Variants in HSD17B3 observed in about 807,000 individuals in gnomAD.
HSD17B3 encodes 17-beta-hydroxysteroid dehydrogenase type 3.
HSD17B3 carries 29 observed loss-of-function variants against 41.1 expected under a neutral mutation model. That is an observed-to-expected ratio of 0.71 (90% CI 0.53 to 0.96). The LOEUF (loss-of-function observed/expected upper bound fraction) is 0.96, where lower values mean the gene tolerates loss of function less well. HSD17B3 is among the 40% of genes least tolerant of loss of function. HSD17B3 has a pLI of 0.00. For synonymous variants in HSD17B3, 126 were observed against 145.6 expected (o/e 0.87, Z 0.97); for missense variants, 323 against 374.6 (o/e 0.86, Z 1.14).
intron 1 of HSD17B3, among the ~76,000 whole-genome samples, chr9:96,300,240 A>ACG (rs1219461991): frequency 4.0e-5 from 6 of 151,304 alleles, no homozygotes; most frequent in African/African-American, 1.5e-4. Context: ...ACACACACAC[A>ACG]CACACACACA....
intron 2 of HSD17B3, among the ~76,000 whole-genome samples, chr9:96,297,341 C>CTT (rs71368242): frequency 8.8e-4 from 65 of 73,490 alleles, no homozygotes; most frequent in Non-Finnish European, 1.0e-3. Context: ...TTATTGATTT[C>CTT]TTTTTTTTTT....
intron 7 of HSD17B3, 107 bp from the exon 8 acceptor site, chr9:96,245,533 T>C (rs1836627794): frequency 1.2e-6 from 1 of 817,134 alleles, no homozygotes; most frequent in African/African-American, 1.7e-5. Flanking sequence ...CGACCCTTTC[T>C]AGGCTTCCGC....
In HSD17B3 at chr9:96,282,305, G is replaced by A. The variant is rs115866170; in HGVS notation, c.201+16111C>T. The stretch of plus-strand genomic sequence containing the variant: ...ATTAATTGGTTTAAAAATAATAAGC[G>A]CTTAAATCAAATATTTTATGAGAAA... On this transcript the variant is annotated intron_variant, in intron 2 of 10. Coordinates refer to ENST00000375263, the MANE Select transcript of HSD17B3 (RefSeq NM_000197.2). 3.7e-3 allele frequency among the ~76,000 whole-genome samples: 570 copies of A among 152,180 alleles called. 9 individuals carry two copies. Among genetic ancestry groups the A allele is most frequent in the African/African-American group, 0.013 (533 of 41,520 alleles).
In HSD17B3 at chr9:96,244,387, A is replaced by T. The variant is rs372027264; in HGVS notation, c.614T>A (p.Val205Glu). 279 of 1,614,050 alleles carry T rather than the reference A, an allele frequency of 1.7e-4. No individual in the cohort carries two copies. The highest frequency in any genetic ancestry group is 2.3e-4 in the Non-Finnish European group (274 of 1,180,040). ...YSMYSASKAF[V>E]CAFSKALQEE... is the part of the protein sequence containing the mutation. Reference sequence around the variant, plus strand: ...TTGCAGGGCCTTGGAAAATGCGCACACAAACGCCTGGAGCAAGAAGGAGAG... The same window carrying T: ...TTGCAGGGCCTTGGAAAATGCGCACTCAAACGCCTGGAGCAAGAAGGAGAG... Residue 205 changes from valine to glutamate, a missense_variant, in exon 9 of 11, where the codon GTG becomes GAG. By Grantham distance (121) the Val-to-Glu change is moderately radical (BLOSUM62 -2). Coordinates refer to ENST00000375263, the MANE Select transcript of HSD17B3 (RefSeq NM_000197.2).
In HSD17B3 at chr9:96,283,177, G is replaced by GTAC. The variant is rs527260146; in HGVS notation, c.201+15236_201+15238dup. Among the ~76,000 whole-genome samples, 385 of 151,692 alleles carry GTAC rather than the reference G, an allele frequency of 2.5e-3. 9 individuals are homozygous for GTAC. Among genetic ancestry groups the GTAC allele is most frequent in the Admixed American group, 0.023 (344 of 15,186 alleles). On this transcript the variant is annotated intron_variant, in intron 2 of 10. Coordinates refer to ENST00000375263, the MANE Select transcript of HSD17B3 (RefSeq NM_000197.2). ...TCCACCACCATACCCAGCTAACTTT[G>GTAC]TACTTTTAGTAGAGATGGGGTTTCT... is the stretch of plus-strand genomic sequence containing the variant.
intron 2 of HSD17B3, among the ~76,000 whole-genome samples, chr9:96,285,416 G>T (rs868586268): frequency 6.6e-6 from 1 of 152,100 alleles, no homozygotes; most frequent in African/African-American, 2.4e-5. Flanking sequence ...CTGTTCAGAA[G>T]AAATAAGAGG....
intron 2 of HSD17B3, 70 bp from the exon 3 acceptor site, chr9:96,255,013 C>T: frequency 2.2e-6 from 3 of 1,341,300 alleles, no homozygotes; most frequent in Non-Finnish European, 2.1e-6. Context: ...GTTAAGGTGA[C>T]TTGGTCCTGA....
intron 5 of HSD17B3, chr9:96,250,347 G>A (rs955422132): frequency 1.9e-6 from 2 of 1,077,090 alleles, no homozygotes; most frequent in Non-Finnish European, 2.3e-6. Context: ...AACAGAGTGT[G>A]GGAGACAGAG....
intron 7 of HSD17B3, among the ~76,000 whole-genome samples, chr9:96,245,659 A>G (rs1450051346): frequency 6.6e-6 from 1 of 152,178 alleles, no homozygotes; most frequent in Non-Finnish European, 1.5e-5. Flanking sequence ...CCTGGCAGTC[A>G]TGTGACATCA....
At chr9:96,294,481 G>A (rs1827273638) in intron 2 of HSD17B3, among the ~76,000 whole-genome samples, 2 of 152,190 alleles carry the variant, frequency 1.3e-5, no homozygotes, top group African/African-American at 4.8e-5. Context: ...AATGGCTAAG[G>A]ACAGCTTCCA....
intron 1 of HSD17B3, among the ~76,000 whole-genome samples, chr9:96,301,138 T>C (rs1411000111): frequency 6.6e-6 from 1 of 152,226 alleles, no homozygotes; most frequent in Non-Finnish European, 1.5e-5. Context: ...TCTGCCCTAG[T>C]GTTCCCCTAA....
intron 2 of HSD17B3, among the ~76,000 whole-genome samples, chr9:96,269,152 T>C (rs1225965765): frequency 1.3e-5 from 2 of 152,166 alleles, no homozygotes; most frequent in Non-Finnish European, 2.9e-5. Flanking sequence ...TAAACCTGTA[T>C]GACATGGGAC....
At chr9:96,260,967 G>T (rs994805046) in intron 2 of HSD17B3, among the ~76,000 whole-genome samples, 3 of 152,066 alleles carry the variant, frequency 2.0e-5, no homozygotes, top group Admixed American at 2.0e-4. Flanking sequence ...CTTGTTTCAG[G>T]TTTTATGTTC....
intron 2 of HSD17B3, among the ~76,000 whole-genome samples, chr9:96,285,098 C>G (rs1587777197): frequency 6.6e-6 from 1 of 152,120 alleles, no homozygotes; most frequent in African/African-American, 2.4e-5. Context: ...CTCAGCCTCC[C>G]TAAGTGTTGG....
chr9:96,296,734 G>A (rs1194043575), intron 2 of HSD17B3, among the ~76,000 whole-genome samples: 1 of 152,106 alleles, frequency 6.6e-6, no homozygotes, highest in Admixed American at 6.5e-5. Flanking sequence ...GGAATATTAT[G>A]TTGCCATTTA....
chr9:96,261,198 C>T (rs941435446), intron 2 of HSD17B3, among the ~76,000 whole-genome samples: 5 of 152,232 alleles, frequency 3.3e-5, no homozygotes, highest in Non-Finnish European at 5.9e-5. Flanking sequence ...GCTGCTTTGA[C>T]GATGGAGCCT....
intron 2 of HSD17B3, among the ~76,000 whole-genome samples, chr9:96,294,469 T>C (rs536556979): frequency 6.6e-6 from 1 of 152,234 alleles, no homozygotes; most frequent in African/African-American, 2.4e-5. Flanking sequence ...AATAAAGAAA[T>C]GAATGGCTAA....
chr9:96,283,910 C>CCTGCTGAACCAGTAAAAGT (rs2130780897), intron 2 of HSD17B3, among the ~76,000 whole-genome samples: 1 of 152,074 alleles, frequency 6.6e-6, no homozygotes, highest in South Asian at 2.1e-4. Flanking sequence ...CAGCAGTTAA[C>CCTGCTGAACCAGTAAAAGT]CTGAATTGAC....
rs927273751 is a variant in HSD17B3 at position 96,281,799 on chromosome 9, C to T, written c.201+16617G>A. Among the ~76,000 whole-genome samples the T allele has an allele frequency of 3.3e-5, 5 of 152,196 alleles. 1 individual carries two copies. Among genetic ancestry groups the T allele is most frequent in the South Asian group, 4.1e-4 (2 of 4,828 alleles). On this transcript the variant is annotated intron_variant, in intron 2 of 10. Transcript: ENST00000375263. ...ACAAGCAGCCACCTGAACTTTTCAG[C>T]GTTGCTGCAATGGGTGGTTTTTTCT...
Sources: allele counts gnomAD v4.1 joint callset (sites outside exome capture counted in the v4.1 genomes callset), GRCh38; gene constraint gnomAD v4.1.1; transcripts MANE v1.5; gene names NCBI Gene and HGNC (gene_info 2026-07-23, HGNC 2026-07-21).